HADHA: variants seen among roughly 807,000 people sequenced by gnomAD.
HADHA encodes the protein trifunctional enzyme subunit alpha, mitochondrial.
HADHA carries 59 observed loss-of-function variants against 91.3 expected under a neutral mutation model. The observed-to-expected ratio is 0.65, with a 90% CI of 0.52 to 0.80. HADHA has a LOEUF of 0.80. Ranked by LOEUF, HADHA falls within the 30% of genes least tolerant of loss-of-function variation. HADHA has a pLI of 0.00. For synonymous variants in HADHA, 320 were observed against 338.9 expected (o/e 0.94, Z 0.61); for missense variants, 800 against 927.6 (o/e 0.86, Z 1.79).
chr2:26,234,196 A>G (rs553733574), intron 5 of HADHA, 21 bp downstream of exon 5: 2 of 1,610,646 alleles, frequency 1.2e-6, no homozygotes, highest in Admixed American at 1.7e-5. Flanking sequence ...CAGTGTCTCA[A>G]TAACTTTAGA....
chr2:26,218,295 G>A lies in HADHA; in HGVS notation c.677-3120C>T, dbSNP rs1309827271. ...AGCCTGGGCAAAAGGGTGAGACTCT[G>A]TCTCAAAAAAAAAAAGAGAGAGAAA... On this transcript the variant is annotated intron_variant, in intron 7 of 19. Coordinates refer to ENST00000380649, the MANE Select transcript of HADHA (RefSeq NM_000182.5). Among the ~76,000 whole-genome samples, 3 of 54,130 alleles carry A rather than the reference G, an allele frequency of 5.5e-5. No homozygotes were observed. In the East Asian group the frequency reaches 1.3e-3, roughly 24 times the overall value. 35.5% of individuals were successfully genotyped at this position (54,130 alleles called of 152,430 possible).
rs563961393 is a variant in HADHA at position 26,221,930 on chromosome 2, C to T, written c.677-6755G>A. ...ACTCTGATTCATAGGCCGTGGCAAA[C>T]GGTTTGCCTGGGTGGTAAGGAACTT... On this transcript the variant is annotated intron_variant, in intron 7 of 19. Transcript: ENST00000380649. The surrounding 1 kb of genome is among the most constrained non-coding windows in gnomAD (Gnocchi z 4.8). 2.6e-5 allele frequency among the ~76,000 whole-genome samples: 4 copies of T among 152,278 alleles called. No individual in the cohort carries two copies. The highest frequency in any genetic ancestry group is 2.1e-4 in the South Asian group (1 of 4,830).
chr2:26,191,550 G>C lies in HADHA; in HGVS notation c.2079C>G (p.Ile693Met). The C allele has an allele frequency of 6.2e-7, 1 of 1,614,148 alleles. No individual in the cohort carries two copies. The highest frequency in any genetic ancestry group is 2.2e-5 in the East Asian group (1 of 44,876). Residue 693 changes from isoleucine to methionine, a missense_variant, in exon 19 of 20, where the codon ATC becomes ATG. Coordinates refer to ENST00000380649, the MANE Select transcript of HADHA (RefSeq NM_000182.5). ...TGTCTCCCTCTGCAGGTGTGGCCAA[G>C]ATCCCCTCTTGCAGGCACATGACTG... ...NEAVMCLQEG[I>M]LATPAEGDIG...
At chr2:26,228,841 GA>G (rs934362462) in intron 7 of HADHA, among the ~76,000 whole-genome samples, 56 of 147,442 alleles carry the variant, frequency 3.8e-4, no homozygotes, top group South Asian at 1.7e-3. Flanking sequence ...CCAGCTAATT[GA>G]AAAAAAAAAA....
In HADHA at chr2:26,197,732, G is replaced by A; in HGVS notation, c.1438C>T (p.Pro480Ser). Reference sequence around the variant, plus strand: ...CTGACAGCAGCGATTTCACTGATTGGGAGAGCAGATGTGTTACTGGCAAAG... The same window carrying A: ...CTGACAGCAGCGATTTCACTGATTGAGAGAGCAGATGTGTTACTGGCAAAG... The part of the protein sequence containing the change: ...CIFASNTSAL[P>S]ISEIAAVSKR... The change falls in exon 14 of 20, where the codon CCA (proline) becomes TCA (serine). Residue 480 changes from proline (P) to serine (S), a missense_variant. By Grantham distance (74) the Pro-to-Ser change is moderately conservative (BLOSUM62 -1). Transcript: ENST00000380649. The A allele has an allele frequency of 6.4e-7, 1 of 1,563,310 alleles. No homozygotes were observed. The highest frequency in any genetic ancestry group is 8.8e-7 in the Non-Finnish European group (1 of 1,133,490).
At chr2:26,211,295 G>A (rs1670094317) in intron 10 of HADHA, among the ~76,000 whole-genome samples, 1 of 151,872 alleles carries the variant, frequency 6.6e-6, no homozygotes, top group East Asian at 1.9e-4. Context: ...GAGACATCTA[G>A]TACCAGAAGT....
At chr2:26,216,413 C>G (rs1333212330) in intron 7 of HADHA, among the ~76,000 whole-genome samples, 1 of 148,486 alleles carries the variant, frequency 6.7e-6, no homozygotes, top group Non-Finnish European at 1.5e-5. Flanking sequence ...CTCTGCCTCC[C>G]AGTTTCAAGC....
intron 1 of HADHA, among the ~76,000 whole-genome samples, chr2:26,240,439 T>C (rs936558324): frequency 2.0e-5 from 3 of 152,100 alleles, no homozygotes; most frequent in African/African-American, 4.8e-5. Flanking sequence ...AGGCCTGGCA[T>C]AGAAAAAGTT....
At chr2:26,230,390 G>A in intron 6 of HADHA, 96 bp from the exon 7 acceptor site, 7 of 804,950 alleles carry the variant, frequency 8.7e-6, no homozygotes, top group Admixed American at 3.6e-5. Context: ...ATTAAAATGA[G>A]AAAAGTCAAG....
intron 9 of HADHA, 32 bp from the exon 10 acceptor site, chr2:26,212,658 TGG>T: frequency 1.4e-6 from 2 of 1,411,426 alleles, no homozygotes; most frequent in Non-Finnish European, 2.0e-6. Context: ...TGCTCAGCGT[TGG>T]AATAGATTGG....
At chr2:26,223,164 A>G (rs1271434774) in intron 7 of HADHA, among the ~76,000 whole-genome samples, 1 of 152,190 alleles carries the variant, frequency 6.6e-6, no homozygotes, top group Non-Finnish European at 1.5e-5. Flanking sequence ...CTGTTAGTTA[A>G]AACTGCCATC....
chr2:26,205,198 C>T (rs771844350), intron 11 of HADHA, among the ~76,000 whole-genome samples: 1 of 152,120 alleles, frequency 6.6e-6, no homozygotes, highest in Non-Finnish European at 1.5e-5. Flanking sequence ...GCCATATTCC[C>T]ATAGTAAATA....
chr2:26,217,739 A>G (rs987627175), intron 7 of HADHA, among the ~76,000 whole-genome samples: 1 of 152,076 alleles, frequency 6.6e-6, no homozygotes, highest in African/African-American at 2.4e-5. Flanking sequence ...TGTCTCTACA[A>G]AAAGAATTTT....
chr2:26,202,609 C>T (rs1008494936), intron 12 of HADHA, among the ~76,000 whole-genome samples: 5 of 152,138 alleles, frequency 3.3e-5, no homozygotes, highest in Admixed American at 1.3e-4. Context: ...TGCATGGTGG[C>T]GCATGCCTGT....
At position 26,204,056 on chromosome 2, in the gene HADHA, G is replaced by C; in HGVS notation, c.1220+6C>G. Reference sequence around the variant, plus strand: ...TAACTCTTGCAAAGAGAGAGAGCAGGCTTACCCTTTGAACACTTGTTGCTG... The same window carrying C: ...TAACTCTTGCAAAGAGAGAGAGCAGCCTTACCCTTTGAACACTTGTTGCTG... On this transcript the variant is annotated splice_donor_region_variant and intron_variant, in intron 12 of 19. Coordinates refer to ENST00000380649, the MANE Select transcript of HADHA (RefSeq NM_000182.5). 6.2e-7 allele frequency: 1 copy of C among 1,613,468 alleles called. No homozygotes were observed. Among genetic ancestry groups the C allele is most frequent in the Non-Finnish European group, 8.5e-7 (1 of 1,179,398 alleles).
intron 11 of HADHA, among the ~76,000 whole-genome samples, chr2:26,206,711 A>T (rs1669980895): frequency 6.6e-6 from 1 of 152,208 alleles, no homozygotes; most frequent in African/African-American, 2.4e-5. Flanking sequence ...TATACACAAG[A>T]TGACATGCTG....
intron 16 of HADHA, 139 bp from the exon 17 acceptor site, chr2:26,193,911 A>G (rs184904266): frequency 1.2e-5 from 8 of 684,472 alleles, no homozygotes; most frequent in African/African-American, 1.8e-5. Flanking sequence ...GACTGGTGCT[A>G]TTTCATTCAG....
chr2:26,194,979 T>C (rs1368393647), intron 15 of HADHA, 113 bp downstream of exon 15: 1 of 962,632 alleles, frequency 1.0e-6, no homozygotes, highest in Non-Finnish European at 1.7e-6. Context: ...CAGGGGAAAA[T>C]CATATCAAAG....
At chr2:26,216,405 C>T (rs535402580) in intron 7 of HADHA, among the ~76,000 whole-genome samples, 397 of 146,186 alleles carry the variant, frequency 2.7e-3, no homozygotes, top group Non-Finnish European at 4.5e-3. Context: ...ACTGCAACCT[C>T]TGCCTCCCAG....
Sources: gnomAD v4.1 joint callset for allele counts (sites outside exome capture counted in the v4.1 genomes callset) on GRCh38, gnomAD v4.1.1 for gene constraint, Gnocchi (gnomAD v3.1) non-coding constraint, MANE v1.5 for transcripts, NCBI Gene and HGNC (gene_info 2026-07-23, HGNC 2026-07-21) for gene names.